METRNL: variants seen among roughly 807,000 people sequenced by gnomAD.
METRNL encodes meteorin-like protein.
In METRNL, 9 loss-of-function variants were observed where a neutral mutation model predicts 17.4. The ratio of observed to expected loss-of-function variants is 0.52; its 90% CI spans 0.31 to 0.90. The LOEUF (loss-of-function observed/expected upper bound fraction) is 0.90, where lower values mean the gene tolerates loss of function less well. Ranked by LOEUF, METRNL falls within the 40% of genes least tolerant of loss-of-function variation. The pLI is 0.05. For missense variants in METRNL, 408 were observed against 430.7 expected, an observed-to-expected ratio of 0.95 and a Z score of 0.47; for synonymous variants, 215 against 199.3, an observed-to-expected ratio of 1.08 and a Z score of -0.66.
chr17:83,094,682 C>T lies in METRNL; in HGVS notation c.*107C>T. ...GGGCCGCGCGCTGGGAGCCGCATGCCCTGGGCCCAGGCCTGACCCTGGTAC... is the reference window on the plus strand; with the variant it reads ...GGGCCGCGCGCTGGGAGCCGCATGCTCTGGGCCCAGGCCTGACCCTGGTAC... On this transcript the variant is annotated 3_prime_UTR_variant, in exon 4 of 4. Transcript: ENST00000320095. 4 of 915,582 alleles carry T rather than the reference C, an allele frequency of 4.4e-6. No homozygotes were observed. The highest frequency in any genetic ancestry group is 3.3e-5 in the East Asian group (1 of 30,716). The allele number at this position is 915,582 out of a possible 1,614,324, so 56.7% of individuals were successfully genotyped here.
rs567468018 is a variant in METRNL, at chr17:83,091,015, C to T, written c.557-2152C>T. Among the ~76,000 whole-genome samples the T allele has an allele frequency of 2.8e-3, 420 of 152,278 alleles. 3 individuals carry two copies. Among genetic ancestry groups the T allele is most frequent in the African/African-American group, 9.6e-3 (399 of 41,544 alleles). ...ACACCCCGGGGCCCCCATAGGAGAGCGCACCGGGCGGCTTCCAGCTTGGGG... is the reference window on the plus strand; with the variant it reads ...ACACCCCGGGGCCCCCATAGGAGAGTGCACCGGGCGGCTTCCAGCTTGGGG... On this transcript the variant is annotated intron_variant, in intron 2 of 3. Coordinates refer to ENST00000320095, the MANE Select transcript of METRNL (RefSeq NM_001004431.3).
At chr17:83,081,473 GGCGC>G in intron 1 of METRNL, among the ~76,000 whole-genome samples, 1 of 152,288 alleles carries the variant, frequency 6.6e-6, no homozygotes, top group East Asian at 1.9e-4. Context: ...CCGAAGGGAG[GGCGC>G]GGTAGGCAGC....
At position 83,082,324 on chromosome 17, in the gene METRNL, TGTG is replaced by T. The variant is rs1392210387; in HGVS notation, c.170+2343_170+2345del. On this transcript the variant is annotated intron_variant, in intron 1 of 3. Transcript: ENST00000320095. ...GCATTTTGTCCTGGTGACCCAGAGT[TGTG>T]GTGTGTGGGCTGGTGCCTCAACAAC... is the stretch of plus-strand genomic sequence containing the variant. 1.7e-4 allele frequency: 157 copies of T among 916,660 alleles called. 2 individuals are homozygous for T. Among genetic ancestry groups the T allele is most frequent in the Admixed American group, 1.2e-4 (2 of 16,202 alleles). 56.8% of individuals were successfully genotyped at this position (916,660 alleles called of 1,614,324 possible).
chr17:83,080,227 CG>C (rs1339346007), intron 1 of METRNL: 1 of 155,008 alleles, frequency 6.5e-6, no homozygotes, highest in African/African-American at 2.4e-5. Context: ...GCAGCGCGGC[CG>C]GGTGGGTCCC....
At chr17:83,082,002 TG>T in intron 1 of METRNL, 1 of 829,244 alleles carries the variant, frequency 1.2e-6, no homozygotes, top group Non-Finnish European at 1.5e-6. Context: ...CCCCGATAGC[TG>T]GAAAGTTGCC....
Position 83,094,420 on chromosome 17 carries a change from G to T in METRNL, c.781G>T (p.Gly261Cys). The T allele has an allele frequency of 6.2e-7, 1 of 1,603,312 alleles. No individual in the cohort carries two copies. The highest frequency in any genetic ancestry group is 1.7e-5 in the Admixed American group (1 of 59,522). ...QGRVRTLLEC[G>C]VRPGHGDFLF... ...GCGCGTCAGGACGCTGCTGGAGTGT[G>T]GCGTGCGGCCGGGGCATGGCGACTT... Residue 261 changes from glycine to cysteine, a missense_variant, in exon 4 of 4, where the codon GGC becomes TGC. By Grantham distance (159) the Gly-to-Cys change is radical. Coordinates refer to ENST00000320095, the MANE Select transcript of METRNL (RefSeq NM_001004431.3).
chr17:83,082,131 C>CGT (rs1051009982), intron 1 of METRNL: 1 of 985,330 alleles, frequency 1.0e-6, no homozygotes, highest in Admixed American at 6.1e-5. Context: ...AGCGCCCCGT[C>CGT]TTTATCAGCC....
chr17:83,080,342 TGCGCGCCCCGAGGCCGCCCCGGG>T (rs2143603285), intron 1 of METRNL: 1 of 149,644 alleles, frequency 6.7e-6, no homozygotes, highest in East Asian at 2.0e-4. Context: ...CTCCGGGAGT[TGCGCGCCCCGAGGCCGCCCCGGG>T]CCAGAGCGGG....
Position 83,094,543 on chromosome 17 carries a change from G to T in METRNL, c.904G>T (p.Gly302Trp). ...QRMYRDAQER[G>W]LNPCEVGTD ...GATGTACAGGGATGCCCAGGAGAGG[G>T]GGCTGAACCCTTGTGAGGTTGGCAC... Residue 302 changes from glycine to tryptophan, a missense_variant, in exon 4 of 4, where the codon GGG becomes TGG. Gly to Trp is a radical substitution (Grantham distance 184). Coordinates refer to ENST00000320095, the MANE Select transcript of METRNL (RefSeq NM_001004431.3). 1 of 1,511,410 alleles carries T rather than the reference G, an allele frequency of 6.6e-7. No homozygotes were observed. The highest frequency in any genetic ancestry group is 8.9e-7 in the Non-Finnish European group (1 of 1,124,852). The allele number at this position is 1,511,410 out of a possible 1,614,324, so 93.6% of individuals were successfully genotyped here.
At chr17:83,082,105 G>C (rs1211295574) in intron 1 of METRNL, 2 of 985,368 alleles carry the variant, frequency 2.0e-6, no homozygotes, top group African/African-American at 3.5e-5. Flanking sequence ...TCCCTTCCGT[G>C]GGGGGAGGCG....
intron 2 of METRNL, among the ~76,000 whole-genome samples, chr17:83,087,718 T>G (rs1422081658): frequency 1.3e-5 from 2 of 152,086 alleles, no homozygotes; most frequent in Non-Finnish European, 1.5e-5. Flanking sequence ...CTCCCGTTCC[T>G]GCACTTGCTG....
Position 83,094,805 on chromosome 17 carries a change from T to G in METRNL, c.*230T>G, listed in dbSNP as rs955120897. On this transcript the variant is annotated 3_prime_UTR_variant, in exon 4 of 4. Transcript: ENST00000320095. Reference sequence around the variant, plus strand: ...TGCTGTAAAATGCAAACTAAGTTATTATATTTTTTTTTGGTAAAAAAGAAA... The same window carrying G: ...TGCTGTAAAATGCAAACTAAGTTATGATATTTTTTTTTGGTAAAAAAGAAA... 1 of 397,620 alleles carries G rather than the reference T, an allele frequency of 2.5e-6. No homozygotes were observed. Among genetic ancestry groups the G allele is most frequent in the East Asian group, 3.6e-5 (1 of 27,798 alleles). 24.6% of individuals were successfully genotyped at this position (397,620 alleles called of 1,614,324 possible). A position where few individuals can be genotyped will look rare whatever the true frequency, so the allele number is the denominator to read the frequency against.
chr17:83,082,773 T>C (rs1318177352), intron 1 of METRNL, among the ~76,000 whole-genome samples: 1 of 152,250 alleles, frequency 6.6e-6, no homozygotes, highest in African/African-American at 2.4e-5. Context: ...GCACAGACCA[T>C]GAGTCTCGGA....
chr17:83,080,029 C>G, intron 1 of METRNL, 44 bp downstream of exon 1: 1 of 996,064 alleles, frequency 1.0e-6, no homozygotes, highest in Non-Finnish European at 1.2e-6. Flanking sequence ...CCTCCCCTCG[C>G]GTCCCCTCCC....
intron 2 of METRNL, among the ~76,000 whole-genome samples, chr17:83,091,059 T>C (rs2143649193): frequency 6.6e-6 from 1 of 152,024 alleles, no homozygotes; most frequent in South Asian, 2.1e-4. Context: ...GCCCCCGTGG[T>C]GGGGGCTGCA....
rs1600496469 is a variant in METRNL at position 83,094,774 on chromosome 17, T to C, written c.*199T>C. 2 of 405,648 alleles carry C rather than the reference T, an allele frequency of 4.9e-6. No homozygotes were observed. Among genetic ancestry groups the C allele is most frequent in the East Asian group, 7.1e-5 (2 of 28,052 alleles). 25.1% of individuals were successfully genotyped at this position (405,648 alleles called of 1,614,324 possible). Reference sequence around the variant, plus strand: ...TCCAGCCAAGGATGCCCTGGCCGATTGGAAATGCTGTAAAATGCAAACTAA... The same window carrying C: ...TCCAGCCAAGGATGCCCTGGCCGATCGGAAATGCTGTAAAATGCAAACTAA... On this transcript the variant is annotated 3_prime_UTR_variant, in exon 4 of 4. Transcript: ENST00000320095.
At chr17:83,086,772 C>T (rs948832474) in intron 2 of METRNL, among the ~76,000 whole-genome samples, 6 of 152,338 alleles carry the variant, frequency 3.9e-5, no homozygotes, top group East Asian at 1.9e-4. Flanking sequence ...GTCCCTGCCA[C>T]GCACACCTGG....
At chr17:83,091,931 C>T (rs933164741) in intron 2 of METRNL, among the ~76,000 whole-genome samples, 9 of 152,222 alleles carry the variant, frequency 5.9e-5, no homozygotes, top group East Asian at 3.8e-4. Flanking sequence ...TTTCCAAGTC[C>T]GTCCCGAGTG....
chr17:83,090,657 G>A (rs892428536), intron 2 of METRNL, among the ~76,000 whole-genome samples: 46 of 150,526 alleles, frequency 3.1e-4, no homozygotes, highest in Admixed American at 6.6e-4. Context: ...GGGGACCCTC[G>A]GGTGGACTGG....
Sources: gnomAD v4.1 joint callset for allele counts (sites outside exome capture counted in the v4.1 genomes callset) on GRCh38, gnomAD v4.1.1 for gene constraint, MANE v1.5 for transcripts, NCBI Gene and HGNC (gene_info 2026-07-23, HGNC 2026-07-21) for gene names.